SETD7: variants seen among roughly 807,000 people sequenced by gnomAD.
The protein encoded by SETD7 is histone-lysine N-methyltransferase SETD7.
Under a neutral mutation model 41.8 loss-of-function variants are expected in SETD7, and 16 were observed. The observed-to-expected ratio is 0.38, with a 90% CI of 0.26 to 0.58. SETD7 has a LOEUF of 0.58. Among genes scored for constraint, SETD7 ranks in the 20% least tolerant of loss-of-function variants. The probability of loss-of-function intolerance (pLI) is 0.64; values close to 1 mark genes in which losing one functional copy is unlikely to be tolerated. For synonymous variants in SETD7, 163 were observed against 169.7 expected, an observed-to-expected ratio of 0.96 and a Z score of 0.31; for missense variants, 346 against 459.7, an observed-to-expected ratio of 0.75 and a Z score of 2.26.
chr4:139,496,551 C>G, intron 7 of SETD7: 1 of 699,230 alleles, frequency 1.4e-6, no homozygotes, highest in South Asian at 1.5e-5. Flanking sequence ...TGGCTGAGAA[C>G]GTTTTCAGAG....
At chr4:139,551,761 C>T (rs781575663) in intron 1 of SETD7, among the ~76,000 whole-genome samples, 4 of 152,138 alleles carry the variant, frequency 2.6e-5, no homozygotes, top group South Asian at 2.1e-4. Flanking sequence ...TGGCTCATGC[C>T]TGTAATCCCA....
intron 3 of SETD7, among the ~76,000 whole-genome samples, chr4:139,530,582 T>C (rs1324641968): frequency 2.0e-5 from 3 of 152,204 alleles, no homozygotes; most frequent in Non-Finnish European, 4.4e-5. Context: ...TTAGTGATGA[T>C]TATTGAATGG....
At chr4:139,545,283 T>G (rs1727906174) in intron 2 of SETD7, among the ~76,000 whole-genome samples, 1 of 151,976 alleles carries the variant, frequency 6.6e-6, no homozygotes, top group South Asian at 2.1e-4. Flanking sequence ...GGGACCACAG[T>G]TCCCAAGGTC....
At chr4:139,493,407 G>C (rs1193370008), downstream of SETD7, among the ~76,000 whole-genome samples, 1 of 152,198 alleles carries the variant, frequency 6.6e-6, no homozygotes, top group Non-Finnish European at 1.5e-5. Context: ...TACAGTGGGT[G>C]GGGGAGAACG....
intron 7 of SETD7, among the ~76,000 whole-genome samples, chr4:139,500,088 C>A (rs1308549795): frequency 6.6e-6 from 1 of 152,174 alleles, no homozygotes; most frequent in African/African-American, 2.4e-5. Context: ...TGTGCTTTTT[C>A]TCCAATTAAT....
intron 4 of SETD7, among the ~76,000 whole-genome samples, chr4:139,524,171 A>T (rs1727257052): frequency 6.6e-6 from 1 of 152,218 alleles, no homozygotes; most frequent in Non-Finnish European, 1.5e-5. Context: ...TCATAATCCC[A>T]TTAAGCAATT....
intron 7 of SETD7, among the ~76,000 whole-genome samples, chr4:139,497,174 T>TCCGGG (rs1420213017): frequency 6.6e-6 from 1 of 152,086 alleles, no homozygotes; most frequent in African/African-American, 2.4e-5. Flanking sequence ...AAAAATAAAG[T>TCCGGG]CCGGGTGCGG....
At chr4:139,520,055 T>C (rs910764410) in intron 6 of SETD7, among the ~76,000 whole-genome samples, 12 of 152,200 alleles carry the variant, frequency 7.9e-5, no homozygotes, top group African/African-American at 2.2e-4. Flanking sequence ...CCAATTACTG[T>C]CTTATTGATG....
chr4:139,533,663 A>C (rs1300349613), intron 2 of SETD7, among the ~76,000 whole-genome samples: 3 of 152,228 alleles, frequency 2.0e-5, no homozygotes, highest in African/African-American at 7.2e-5. Context: ...AGTTCACTTG[A>C]GTATGTTTTC....
downstream of SETD7, among the ~76,000 whole-genome samples, chr4:139,504,259 G>A (rs1044049593): frequency 2.0e-5 from 3 of 152,180 alleles, no homozygotes; most frequent in Admixed American, 6.5e-5. Flanking sequence ...TACATTATAA[G>A]AAGTGAAGCT....
intron 5 of SETD7, among the ~76,000 whole-genome samples, chr4:139,522,930 T>A (rs956495506): frequency 1.3e-5 from 2 of 151,810 alleles, no homozygotes; most frequent in African/African-American, 4.8e-5. Flanking sequence ...ATTTTTGTAT[T>A]TTTAGTAGAG....
chr4:139,498,250 C>T (rs1004500951), intron 7 of SETD7, among the ~76,000 whole-genome samples: 1 of 152,170 alleles, frequency 6.6e-6, no homozygotes, highest in African/African-American at 2.4e-5. Flanking sequence ...CTAGAGATAG[C>T]AAAGGCCTGG....
chr4:139,533,701 T>A (rs184571020), intron 2 of SETD7, among the ~76,000 whole-genome samples: 2 of 152,332 alleles, frequency 1.3e-5, no homozygotes, highest in Admixed American at 1.3e-4. Context: ...GTGTTACCTG[T>A]TCCACAAGCA....
Position 139,511,262 on chromosome 4 carries a change from G to A in SETD7, c.*401C>T, listed in dbSNP as rs1050816557. On this transcript the variant is annotated 3_prime_UTR_variant, in exon 8 of 8. Transcript: ENST00000274031. ...CCCTTAATACGGCACATATGCAAGTGTGCTAACACAATTTGCACTGGCCAT... is the reference window on the plus strand; with the variant it reads ...CCCTTAATACGGCACATATGCAAGTATGCTAACACAATTTGCACTGGCCAT... 3.3e-5 allele frequency: 8 copies of A among 242,238 alleles called. No individual in the cohort carries two copies. Among genetic ancestry groups the A allele is most frequent in the African/African-American group, 1.7e-4 (7 of 42,270 alleles). The allele number at this position is 242,238 out of a possible 1,614,324, so 15.0% of individuals were successfully genotyped here.
intron 4 of SETD7, among the ~76,000 whole-genome samples, chr4:139,524,342 A>G (rs1393424933): frequency 1.3e-5 from 2 of 152,248 alleles, no homozygotes; most frequent in African/African-American, 4.8e-5. Context: ...GTGTTTCAAA[A>G]AGAATTCAGT....
At chr4:139,523,204 T>C (rs1207025958) in intron 5 of SETD7, 150 bp downstream of exon 5, 4 of 555,456 alleles carry the variant, frequency 7.2e-6, no homozygotes, top group Non-Finnish European at 1.3e-5. Flanking sequence ...TATTTGAGGG[T>C]TGGCAAAGGA....
At chr4:139,497,755 G>T (rs1011746104) in intron 7 of SETD7, among the ~76,000 whole-genome samples, 2 of 151,854 alleles carry the variant, frequency 1.3e-5, no homozygotes, top group Non-Finnish European at 2.9e-5. Flanking sequence ...ACTACGCCCG[G>T]CTAATTTTTG....
chr4:139,501,781 G>A (rs1457994738), downstream of SETD7, among the ~76,000 whole-genome samples: 4 of 152,116 alleles, frequency 2.6e-5, no homozygotes, highest in East Asian at 3.9e-4. Flanking sequence ...TTAAACAATC[G>A]AGAACACACA....
intron 3 of SETD7, chr4:139,532,843 T>C (rs1727525658): frequency 1.0e-5 from 4 of 399,188 alleles, no homozygotes; most frequent in Admixed American, 4.2e-5. Flanking sequence ...TCTCCCTCTA[T>C]GTGCCAAAAG....
Sources: allele counts gnomAD v4.1 joint callset (sites outside exome capture counted in the v4.1 genomes callset), GRCh38; gene constraint gnomAD v4.1.1; transcripts MANE v1.5; gene names NCBI Gene and HGNC (gene_info 2026-07-23, HGNC 2026-07-21).